PITPNC1: variants seen among roughly 807,000 people sequenced by gnomAD.
PITPNC1 encodes the protein cytoplasmic phosphatidylinositol transfer protein 1.
A neutral mutation model predicts 44.7 loss-of-function variants in PITPNC1; 18 were observed. The ratio of observed to expected loss-of-function variants is 0.40; its 90% confidence interval spans 0.28 to 0.60. PITPNC1 has a LOEUF of 0.60. PITPNC1 is among the 20% of genes least tolerant of loss of function. The probability of loss-of-function intolerance (pLI) is 0.39; values close to 1 mark genes in which losing one functional copy is unlikely to be tolerated. For missense variants in PITPNC1, 290 were observed against 418.4 expected, an observed-to-expected ratio of 0.69 and a Z score of 2.68; for synonymous variants, 141 against 149.6, an observed-to-expected ratio of 0.94 and a Z score of 0.42.
chr17:67,496,575 T>C (rs1182986430), intron 1 of PITPNC1, among the ~76,000 whole-genome samples: 1 of 152,118 alleles, frequency 6.6e-6, no homozygotes, highest in Non-Finnish European at 1.5e-5. Flanking sequence ...TTGAGAAATA[T>C]GGAAAGCACT....
intron 5 of PITPNC1, among the ~76,000 whole-genome samples, chr17:67,617,012 C>G (rs1440102841): frequency 6.6e-6 from 1 of 152,206 alleles, no homozygotes; most frequent in East Asian, 1.9e-4. Flanking sequence ...ATCGGCCGGT[C>G]TGAACGCCAC....
rs1160522771 is a variant in PITPNC1 at position 67,425,193 on chromosome 17, G to GCGCGCGCGCGCGCACACACA, written c.48+46992_48+46993insGCGCGCGCGCGCACACACAC. On this transcript the variant is annotated intron_variant, in intron 1 of 8. Transcript: ENST00000581322. Reference sequence around the variant, plus strand: ...AAATAAACAGCCATGTTGTGCGCGCGCACGCACACGCACACACACACACAC... The same window carrying GCGCGCGCGCGCGCACACACA: ...AAATAAACAGCCATGTTGTGCGCGCGCGCGCGCGCGCGCACACACACACGCACACGCACACACACACACAC... 9.6e-5 allele frequency among the ~76,000 whole-genome samples: 5 copies of GCGCGCGCGCGCGCACACACA among 52,118 alleles called. No homozygotes were observed. The East Asian group carries it at 1.7e-3, about 17-fold the overall frequency. 34.2% of individuals were successfully genotyped at this position (52,118 alleles called of 152,430 possible).
intron 1 of PITPNC1, among the ~76,000 whole-genome samples, chr17:67,395,327 A>G (rs1226869556): frequency 1.3e-5 from 2 of 151,864 alleles, no homozygotes; most frequent in African/African-American, 4.8e-5. Flanking sequence ...TTTTGTAGAG[A>G]TGGGCGGGGA....
intron 1 of PITPNC1, among the ~76,000 whole-genome samples, chr17:67,444,824 G>T (rs1464349203): frequency 1.3e-5 from 2 of 152,018 alleles, no homozygotes; most frequent in Non-Finnish European, 2.9e-5. Flanking sequence ...TTGAACCCAG[G>T]AGGCGGAGGT....
At chr17:67,639,792 A>AT (rs1352672652) in intron 6 of PITPNC1, among the ~76,000 whole-genome samples, 2 of 152,178 alleles carry the variant, frequency 1.3e-5, no homozygotes, top group Non-Finnish European at 2.9e-5. Flanking sequence ...AGCTTTTCCA[A>AT]TAACTGTCAA....
intron 1 of PITPNC1, among the ~76,000 whole-genome samples, chr17:67,421,871 C>A (rs1397614773): frequency 1.3e-5 from 2 of 152,216 alleles, no homozygotes; most frequent in East Asian, 3.8e-4. Context: ...CCAAATCCTT[C>A]CTTGATGGGA....
intron 1 of PITPNC1, among the ~76,000 whole-genome samples, chr17:67,395,342 T>A (rs1407025612): frequency 6.6e-6 from 1 of 151,902 alleles, no homozygotes; most frequent in Non-Finnish European, 1.5e-5. Flanking sequence ...CGGGGAGGTG[T>A]CTTGTTACAT....
intron 1 of PITPNC1, among the ~76,000 whole-genome samples, chr17:67,456,771 T>C (rs1287280214): frequency 6.6e-6 from 1 of 152,198 alleles, no homozygotes; most frequent in Non-Finnish European, 1.5e-5. Context: ...TACTCGTCTT[T>C]CTAAGTACTC....
intron 6 of PITPNC1, among the ~76,000 whole-genome samples, chr17:67,659,447 A>C (rs1038380505): frequency 5.9e-5 from 9 of 152,154 alleles, no homozygotes; most frequent in Admixed American, 1.3e-4. Context: ...GGGCCTCCTC[A>C]TATCATGGTG....
intron 8 of PITPNC1, among the ~76,000 whole-genome samples, chr17:67,690,799 A>G (rs919162134): frequency 3.3e-5 from 5 of 152,106 alleles, no homozygotes; most frequent in African/African-American, 1.2e-4. Context: ...CCAGGGTAAC[A>G]ATAATTAATA....
At chr17:67,659,191 G>A (rs946186286) in intron 6 of PITPNC1, among the ~76,000 whole-genome samples, 2 of 152,186 alleles carry the variant, frequency 1.3e-5, no homozygotes, top group African/African-American at 2.4e-5. Context: ...TGATGGATGT[G>A]TTTTGTTACC....
At chr17:67,579,614 ATTTTTTTTT>A (rs558310588) in intron 5 of PITPNC1, among the ~76,000 whole-genome samples, 33 of 88,792 alleles carry the variant, frequency 3.7e-4, no homozygotes, top group Non-Finnish European at 5.9e-4. Context: ...TAAAATAGTG[ATTTTTTTTT>A]TTTTTTTTTT....
rs141555638 is a variant in PITPNC1 at position 67,472,586 on chromosome 17, G to A, written c.49-60216G>A. On this transcript the variant is annotated intron_variant, in intron 1 of 8. Transcript: ENST00000581322. ...GGTGTGAATCCAGGAGGAGGAGTTTGCAGTAAGCCGAGATTGCACCACTGC... is the reference window on the plus strand; with the variant it reads ...GGTGTGAATCCAGGAGGAGGAGTTTACAGTAAGCCGAGATTGCACCACTGC... Among the ~76,000 whole-genome samples the A allele has an allele frequency of 2.0e-5, 3 of 150,914 alleles. No homozygotes were observed. The East Asian group carries it at 5.9e-4, about 30-fold the overall frequency.
At chr17:67,531,924 A>C (rs971656219) in intron 1 of PITPNC1, among the ~76,000 whole-genome samples, 3 of 152,070 alleles carry the variant, frequency 2.0e-5, no homozygotes, top group African/African-American at 7.2e-5. Context: ...CTTTTCCATC[A>C]AATTCGTTTT....
At chr17:67,463,509 T>C (rs1010488444) in intron 1 of PITPNC1, among the ~76,000 whole-genome samples, 1 of 152,184 alleles carries the variant, frequency 6.6e-6, no homozygotes, top group African/African-American at 2.4e-5. Context: ...AGGTAGCAAA[T>C]TCGGCTTCCG....
intron 1 of PITPNC1, among the ~76,000 whole-genome samples, chr17:67,479,026 T>C (rs542718854): frequency 3.4e-4 from 51 of 152,114 alleles, no homozygotes; most frequent in African/African-American, 1.2e-3. Context: ...AAGCAATCAT[T>C]ACTGAGCAAT....
chr17:67,396,904 C>T (rs1455075896), intron 1 of PITPNC1, among the ~76,000 whole-genome samples: 1 of 152,226 alleles, frequency 6.6e-6, no homozygotes, highest in Non-Finnish European at 1.5e-5. Flanking sequence ...ATCCTCCTGC[C>T]TCATCCTCCC....
At chr17:67,629,000 G>A (rs2144326981) in intron 5 of PITPNC1, among the ~76,000 whole-genome samples, 2 of 152,250 alleles carry the variant, frequency 1.3e-5, no homozygotes, top group South Asian at 4.2e-4. Flanking sequence ...TCAGAGCAGA[G>A]GCATAAGGGC....
rs2042595103 is a variant in PITPNC1 at position 67,676,031 on chromosome 17, C to T, written c.682+489C>T. ...ACCATCCTGGCTAACACGGTGAAAC[C>T]CCGTCTCTACTAAATAATACAAAAA... On this transcript the variant is annotated intron_variant, in intron 8 of 8. Transcript: ENST00000581322. This position sits in a 1 kb window ranked among gnomAD's most constrained non-coding sequence, Gnocchi z 4.0. 2.0e-5 allele frequency among the ~76,000 whole-genome samples: 3 copies of T among 152,046 alleles called. No homozygotes were observed. The South Asian group carries it at 6.2e-4, about 32-fold the overall frequency.
Sources: gnomAD v4.1 joint callset for allele counts (sites outside exome capture counted in the v4.1 genomes callset) on GRCh38, gnomAD v4.1.1 for gene constraint, Gnocchi (gnomAD v3.1) non-coding constraint, MANE v1.5 for transcripts, NCBI Gene and HGNC (gene_info 2026-07-23, HGNC 2026-07-21) for gene names.